BICRAL: variants seen among roughly 807,000 people sequenced by gnomAD.
BICRAL encodes the protein BRD4-interacting chromatin-remodeling complex-associated protein-like.
A neutral mutation model predicts 91.8 loss-of-function variants in BICRAL; 8 were observed. That is an observed-to-expected ratio of 0.09 (90% CI 0.05 to 0.16). The LOEUF (loss-of-function observed/expected upper bound fraction) is 0.16, where lower values mean the gene tolerates loss of function less well. BICRAL is among the 10% of genes least tolerant of loss of function. BICRAL has a pLI of 1.00. For missense variants in BICRAL, 1,038 were observed against 1,310.9 expected (o/e 0.79, Z 3.21); for synonymous variants, 445 against 491.1 (o/e 0.91, Z 1.24).
At chr6:42,762,107 G>T (rs1366989646) in intron 1 of BICRAL, among the ~76,000 whole-genome samples, 1 of 152,104 alleles carries the variant, frequency 6.6e-6, no homozygotes, top group Non-Finnish European at 1.5e-5. Context: ...TAAGGTCAGT[G>T]GTGGAGCCGA....
At chr6:42,756,002 T>A (rs1027947282) in intron 1 of BICRAL, among the ~76,000 whole-genome samples, 1 of 152,136 alleles carries the variant, frequency 6.6e-6, no homozygotes, top group Admixed American at 6.6e-5. Flanking sequence ...GGATTTTTAA[T>A]CTCTCTTTTC....
intron 1 of BICRAL, among the ~76,000 whole-genome samples, chr6:42,794,178 C>A (rs142208209): frequency 4.8e-4 from 73 of 152,040 alleles, no homozygotes; most frequent in African/African-American, 1.7e-3. Context: ...CCGCTCCTAG[C>A]TACTATAAAT....
intron 6 of BICRAL, among the ~76,000 whole-genome samples, chr6:42,849,440 GA>G (rs1194633203): frequency 7.1e-6 from 1 of 140,892 alleles, no homozygotes; most frequent in African/African-American, 2.6e-5. Flanking sequence ...GTTTAGAACA[GA>G]TTTTTTTTTT....
intron 1 of BICRAL, among the ~76,000 whole-genome samples, chr6:42,798,930 T>G (rs974306854): frequency 8.8e-6 from 1 of 114,204 alleles, no homozygotes; most frequent in African/African-American, 4.6e-5. Flanking sequence ...TTTTAAAATT[T>G]GTATTATTTT....
chr6:42,790,330 ATTTTTTTTTTT>A (rs70990136), intron 1 of BICRAL, among the ~76,000 whole-genome samples: 1 of 87,824 alleles, frequency 1.1e-5, no homozygotes, highest in South Asian at 4.2e-4. Context: ...AGATAATTTA[ATTTTTTTTTTT>A]TTTTTTTTTT....
Position 42,782,085 on chromosome 6 carries a change from A to G in BICRAL, c.-118A>G, listed in dbSNP as rs1336353102. 1.3e-5 allele frequency: 2 copies of G among 149,514 alleles called. No individual in the cohort carries two copies. The highest frequency in any genetic ancestry group is 4.9e-5 in the African/African-American group (2 of 41,036). The allele number at this position is 149,514 out of a possible 1,614,324, so 9.3% of individuals were successfully genotyped here. A position where few individuals can be genotyped will look rare whatever the true frequency, so the allele number is the denominator to read the frequency against. On this transcript the variant is annotated 5_prime_UTR_variant, in exon 1 of 13. Transcript: ENST00000314073. ...GGCGCAGAAACCCCGTTGACAAGGCACTGCTTTTTCATGACGGTGAGTTTC... is the reference window on the plus strand; with the variant it reads ...GGCGCAGAAACCCCGTTGACAAGGCGCTGCTTTTTCATGACGGTGAGTTTC...
chr6:42,811,800 A>G (rs1695871177), intron 2 of BICRAL, among the ~76,000 whole-genome samples: 2 of 152,204 alleles, frequency 1.3e-5, no homozygotes, highest in Non-Finnish European at 2.9e-5. Context: ...TGGAGCTCAC[A>G]TAGGGCAGAG....
chr6:42,835,614 G>A (rs1364856590), intron 6 of BICRAL, among the ~76,000 whole-genome samples: 1 of 152,032 alleles, frequency 6.6e-6, no homozygotes, highest in Non-Finnish European at 1.5e-5. Context: ...TAGCCTAAGT[G>A]TTTACAGTCA....
chr6:42,862,554 C>G lies in BICRAL; in HGVS notation c.2394C>G (p.Phe798Leu). 1 of 1,612,588 alleles carries G rather than the reference C, an allele frequency of 6.2e-7. No homozygotes were observed. Among genetic ancestry groups the G allele is most frequent in the Non-Finnish European group, 8.5e-7 (1 of 1,178,634 alleles). Residue 798 changes from phenylalanine to leucine, a missense_variant, in exon 12 of 13, where the codon TTC becomes TTG. This residue lies in a region of BICRAL where 294 missense variants were observed against 292.6 expected (regional missense o/e 1.00). Transcript: ENST00000314073. The part of the protein sequence containing the change: ...SAEMVMIDRM[F>L]NQEERASLSR... ...AGATGGTGATGATCGATAGGATGTT[C>G]AACCAGGAGGAAAGAGCTTCCCTGT...
intron 1 of BICRAL, among the ~76,000 whole-genome samples, chr6:42,766,997 G>A (rs1166932973): frequency 6.6e-6 from 1 of 150,454 alleles, no homozygotes; most frequent in South Asian, 2.1e-4. Context: ...CTGAGATGGC[G>A]CCACTGTACT....
intron 1 of BICRAL, among the ~76,000 whole-genome samples, chr6:42,764,955 G>A (rs114358130): frequency 0.01 from 1,594 of 152,250 alleles, 9 homozygotes; most frequent in Non-Finnish European, 0.016. Context: ...GACCACGCCC[G>A]GCCTAGGTTA....
At chr6:42,769,851 G>A (rs1326337548) in intron 1 of BICRAL, among the ~76,000 whole-genome samples, 1 of 152,118 alleles carries the variant, frequency 6.6e-6, no homozygotes, top group Non-Finnish European at 1.5e-5. Context: ...TACATACACA[G>A]ACACATTTAT....
At chr6:42,846,996 G>T (rs1765030585) in intron 6 of BICRAL, among the ~76,000 whole-genome samples, 1 of 152,220 alleles carries the variant, frequency 6.6e-6, no homozygotes, top group Non-Finnish European at 1.5e-5. Context: ...AGGCTTGGTG[G>T]CTTATGCCTT....
chr6:42,846,592 G>A (rs1253326468), intron 6 of BICRAL, among the ~76,000 whole-genome samples: 3 of 152,104 alleles, frequency 2.0e-5, no homozygotes, highest in Non-Finnish European at 4.4e-5. Context: ...GGCCACTTGT[G>A]GTTGAGTAAA....
In BICRAL at chr6:42,829,695, C is replaced by T; in HGVS notation, c.1362C>T (p.Thr454=). ...GAAACTCTTCCAACATGCTCAGGAC[C>T]AACCAACCATATACTGGACCGATGC... ...LNRNSSNMLR[T]NQPYTGPMLN... is the part of the protein sequence containing the mutation. The change falls in exon 6 of 13, where the codon ACC becomes ACT. Residue 454 remains threonine, a synonymous_variant. Coordinates refer to ENST00000314073, the MANE Select transcript of BICRAL (RefSeq NM_001393499.1). 8.1e-6 allele frequency: 13 copies of T among 1,614,176 alleles called. No individual in the cohort carries two copies. The highest frequency in any genetic ancestry group is 1.1e-5 in the Non-Finnish European group (13 of 1,180,016).
In BICRAL at chr6:42,828,587, T is replaced by C. The variant is rs746652411; in HGVS notation, c.254T>C (p.Leu85Pro). Residue 85 changes from leucine (L) to proline (P), a missense_variant, in exon 6 of 13, where the codon CTT becomes CCT. Leu to Pro is a moderately conservative substitution (Grantham distance 98). This residue lies in a region of BICRAL where 115 missense variants were observed against 121.5 expected (regional missense o/e 0.95). Coordinates refer to ENST00000314073, the MANE Select transcript of BICRAL (RefSeq NM_001393499.1). Reference protein sequence around the residue: ...GLPLSSSLQFLEDELESSPLP... With the variant: ...GLPLSSSLQFPEDELESSPLP... ...CCACTTTCAAGTAGCCTCCAGTTTCTTGAAGATGAACTCGAGTCTTCTCCT... is the reference window on the plus strand; with the variant it reads ...CCACTTTCAAGTAGCCTCCAGTTTCCTGAAGATGAACTCGAGTCTTCTCCT... 6.2e-7 allele frequency: 1 copy of C among 1,614,146 alleles called. No homozygotes were observed. Among genetic ancestry groups the C allele is most frequent in the Non-Finnish European group, 8.5e-7 (1 of 1,180,014 alleles).
At chr6:42,815,415 C>T (rs892657256) in intron 2 of BICRAL, among the ~76,000 whole-genome samples, 4 of 151,964 alleles carry the variant, frequency 2.6e-5, no homozygotes, top group Non-Finnish European at 4.4e-5. Flanking sequence ...TGGTCTCAAA[C>T]TCCTGACCTC....
At chr6:42,838,349 A>G (rs1398109589) in intron 6 of BICRAL, among the ~76,000 whole-genome samples, 6 of 152,164 alleles carry the variant, frequency 3.9e-5, no homozygotes, top group Admixed American at 3.9e-4. Flanking sequence ...GACTGGAAGT[A>G]TGTTTCCTCA....
intron 1 of BICRAL, among the ~76,000 whole-genome samples, chr6:42,794,112 T>C (rs1763353839): frequency 6.6e-6 from 1 of 152,008 alleles, no homozygotes. Context: ...ACTCCTGAGC[T>C]ACAGTCATCT....
Sources: allele counts gnomAD v4.1 joint callset (sites outside exome capture counted in the v4.1 genomes callset), GRCh38; gene constraint gnomAD v4.1.1; regional missense constraint gnomAD v4.1.1; transcripts MANE v1.5; gene names NCBI Gene and HGNC (gene_info 2026-07-23, HGNC 2026-07-21).